EPHA3: variants seen among roughly 807,000 people sequenced by gnomAD.
The protein encoded by EPHA3 is EPH receptor A3, also known as ephrin type-A receptor 3.
EPHA3 carries 42 observed loss-of-function variants against 107.1 expected under a neutral mutation model. That is an observed-to-expected ratio of 0.39 (90% confidence interval 0.31 to 0.51). The LOEUF (loss-of-function observed/expected upper bound fraction) is 0.51, where lower values mean the gene tolerates loss of function less well. Ranked by LOEUF, EPHA3 falls within the 20% of genes least tolerant of loss-of-function variation. EPHA3 has a pLI of 0.78. For missense variants in EPHA3, 1,183 were observed against 1,211.2 expected, an observed-to-expected ratio of 0.98 and a Z score of 0.35; for synonymous variants, 461 against 424.8, an observed-to-expected ratio of 1.09 and a Z score of -1.05.
At chr3:89,426,480 TCTTAA>T (rs1709459356) in intron 11 of EPHA3, among the ~76,000 whole-genome samples, 1 of 151,808 alleles carries the variant, frequency 6.6e-6, no homozygotes, top group African/African-American at 2.4e-5. Context: ...GACTTGCCCA[TCTTAA>T]CTGATGTGTT....
intron 7 of EPHA3, among the ~76,000 whole-genome samples, chr3:89,402,859 G>A (rs1708992442): frequency 2.0e-5 from 3 of 151,916 alleles, no homozygotes; most frequent in East Asian, 3.9e-4. Context: ...GGCATTTTTA[G>A]TAGAGACGGG....
intron 11 of EPHA3, among the ~76,000 whole-genome samples, chr3:89,421,212 A>C (rs1156579998): frequency 1.3e-5 from 2 of 151,360 alleles, no homozygotes; most frequent in African/African-American, 2.4e-5. Flanking sequence ...TCTAAAACAA[A>C]ATATAAACTC....
chr3:89,251,822 C>T (rs1217557921), intron 3 of EPHA3, among the ~76,000 whole-genome samples: 2 of 152,040 alleles, frequency 1.3e-5, no homozygotes, highest in African/African-American at 2.4e-5. Flanking sequence ...TGATTAGCAT[C>T]ACAGCCATAC....
chr3:89,456,888 G>A (rs1710108276), intron 15 of EPHA3, among the ~76,000 whole-genome samples: 1 of 152,086 alleles, frequency 6.6e-6, no homozygotes, highest in Non-Finnish European at 1.5e-5. Flanking sequence ...CATTATGTTA[G>A]GTCCTGTGAT....
At chr3:89,158,505 A>G (rs958421933) in intron 2 of EPHA3, among the ~76,000 whole-genome samples, 1 of 152,174 alleles carries the variant, frequency 6.6e-6, no homozygotes, top group African/African-American at 2.4e-5. Context: ...GTTTATCAGA[A>G]AACAATGTAT....
At chr3:89,302,925 C>T (rs959354510) in intron 3 of EPHA3, among the ~76,000 whole-genome samples, 1 of 152,102 alleles carries the variant, frequency 6.6e-6, no homozygotes, top group Non-Finnish European at 1.5e-5. Flanking sequence ...CAGGGTCTCA[C>T]TCTGTTGCCC....
chr3:89,363,681 C>T (rs1245003531), intron 5 of EPHA3, among the ~76,000 whole-genome samples: 13 of 147,566 alleles, frequency 8.8e-5, no homozygotes, highest in Admixed American at 1.4e-4. Flanking sequence ...GGTGTGTGTG[C>T]GTGTGTGTGT....
chr3:89,123,792 A>C (rs1407720863), intron 1 of EPHA3, among the ~76,000 whole-genome samples: 1 of 152,224 alleles, frequency 6.6e-6, no homozygotes, highest in African/African-American at 2.4e-5. Flanking sequence ...AATTTAAATC[A>C]CTTTCATTAA....
chr3:89,185,077 T>C (rs1291411811), intron 2 of EPHA3, among the ~76,000 whole-genome samples: 5 of 152,042 alleles, frequency 3.3e-5, no homozygotes, highest in African/African-American at 9.7e-5. Flanking sequence ...GCTGTGAAGG[T>C]AGTATATGAC....
At chr3:89,350,336 A>G (rs1707779871) in intron 5 of EPHA3, among the ~76,000 whole-genome samples, 3 of 150,828 alleles carry the variant, frequency 2.0e-5, no homozygotes, top group African/African-American at 7.3e-5. Flanking sequence ...TTTTTTCTCT[A>G]AACTTCCCTT....
At chr3:89,336,257 C>G (rs1158350021) in intron 3 of EPHA3, among the ~76,000 whole-genome samples, 1 of 151,324 alleles carries the variant, frequency 6.6e-6, no homozygotes, top group African/African-American at 2.4e-5. Flanking sequence ...ACTAGTTTTA[C>G]ATTCAAGGAA....
intron 16 of EPHA3, 72 bp from the exon 17 acceptor site, chr3:89,479,325 G>C: frequency 1.7e-6 from 2 of 1,178,596 alleles, no homozygotes; most frequent in Non-Finnish European, 1.3e-6. Context: ...CGTGCAAATT[G>C]TGCTAATTGA....
intron 13 of EPHA3, among the ~76,000 whole-genome samples, chr3:89,437,053 A>G (rs1709686016): frequency 6.6e-6 from 1 of 152,166 alleles, no homozygotes; most frequent in African/African-American, 2.4e-5. Flanking sequence ...GGATGTTCAG[A>G]ATGAATAAGG....
At chr3:89,238,464 T>C (rs1009000467) in intron 3 of EPHA3, among the ~76,000 whole-genome samples, 12 of 152,206 alleles carry the variant, frequency 7.9e-5, no homozygotes, top group Non-Finnish European at 1.3e-4. Context: ...TTCAATATTG[T>C]ATTTTATGCC....
chr3:89,233,108 A>G (rs761988341), intron 3 of EPHA3, among the ~76,000 whole-genome samples: 1 of 152,210 alleles, frequency 6.6e-6, no homozygotes. Flanking sequence ...GAGACATCTC[A>G]GATAACAAAA....
At chr3:89,171,959 A>G (rs935609379) in intron 2 of EPHA3, among the ~76,000 whole-genome samples, 1 of 152,130 alleles carries the variant, frequency 6.6e-6, no homozygotes, top group African/African-American at 2.4e-5. Flanking sequence ...AGGCTTAAAA[A>G]GTAGTGTTCT....
intron 3 of EPHA3, among the ~76,000 whole-genome samples, chr3:89,275,549 T>A (rs1030131280): frequency 4.6e-5 from 7 of 152,060 alleles, no homozygotes; most frequent in African/African-American, 1.7e-4. Context: ...GAGGTTCAAA[T>A]GAGATATTGT....
chr3:89,225,814 G>A (rs1704488347), intron 3 of EPHA3, among the ~76,000 whole-genome samples: 1 of 152,078 alleles, frequency 6.6e-6, no homozygotes, highest in Non-Finnish European at 1.5e-5. Flanking sequence ...AATGAGTATA[G>A]TAAACATCAC....
chr3:89,180,193 A>T (rs905874538), intron 2 of EPHA3, among the ~76,000 whole-genome samples: 3 of 151,396 alleles, frequency 2.0e-5, no homozygotes, highest in Middle Eastern at 3.4e-3. Context: ...CTCAACATTA[A>T]TTTTTTTTTC....
Sources: allele counts gnomAD v4.1 joint callset (sites outside exome capture counted in the v4.1 genomes callset), GRCh38; gene constraint gnomAD v4.1.1; transcripts MANE v1.5; gene names NCBI Gene and HGNC (gene_info 2026-07-23, HGNC 2026-07-21).